The following XPR1 variants were observed in gnomAD, a reference collection of about 807,000 sequenced individuals.
The protein encoded by XPR1 is xenotropic and polytropic retrovirus receptor 1.
In XPR1, 28 loss-of-function variants were observed where a neutral mutation model predicts 87.5. That is an observed-to-expected ratio of 0.32 (90% CI 0.24 to 0.44). XPR1 has a LOEUF of 0.44. XPR1 is among the 20% of genes least tolerant of loss of function. The pLI is 1.00. For synonymous variants in XPR1, 300 were observed against 306.1 expected (o/e 0.98, Z 0.21); for missense variants, 559 against 862.3 (o/e 0.65, Z 4.41).
At chr1:180,748,937 G>A (rs1291253650) in intron 2 of XPR1, among the ~76,000 whole-genome samples, 3 of 152,186 alleles carry the variant, frequency 2.0e-5, no homozygotes, top group East Asian at 1.9e-4. Context: ...GGTGGCTCAC[G>A]CCTATAATCC....
At chr1:180,740,407 G>A (rs574513767) in intron 2 of XPR1, among the ~76,000 whole-genome samples, 20 of 151,726 alleles carry the variant, frequency 1.3e-4, no homozygotes, top group Admixed American at 7.2e-4. Context: ...CTTTTTATGC[G>A]TCAAATCATA....
chr1:180,796,188 C>G (rs1200648700), intron 3 of XPR1, among the ~76,000 whole-genome samples: 3 of 152,166 alleles, frequency 2.0e-5, no homozygotes, highest in Admixed American at 6.6e-5. Flanking sequence ...CACACACACA[C>G]TTTTCCAGGT....
intron 2 of XPR1, among the ~76,000 whole-genome samples, chr1:180,750,367 T>C (rs933914926): frequency 1.1e-4 from 16 of 152,158 alleles, no homozygotes; most frequent in African/African-American, 2.4e-5. Context: ...TCCCTTTCCA[T>C]GTGGATTTAA....
At chr1:180,658,773 G>A (rs1655628948) in intron 1 of XPR1, among the ~76,000 whole-genome samples, 1 of 150,332 alleles carries the variant, frequency 6.7e-6, no homozygotes, top group African/African-American at 2.5e-5. Context: ...GTTTCATCGT[G>A]TTAGGCAGGA....
chr1:180,809,531 T>A (rs992779430), intron 6 of XPR1, among the ~76,000 whole-genome samples: 3 of 152,206 alleles, frequency 2.0e-5, no homozygotes, highest in African/African-American at 7.2e-5. Context: ...AGACACAAAT[T>A]CTATACTTTA....
intron 9 of XPR1, among the ~76,000 whole-genome samples, chr1:180,831,351 C>CTTTTCT (rs1553252324): frequency 0.24 from 22,709 of 95,768 alleles, 3,116 homozygotes; most frequent in Middle Eastern, 0.28. Context: ...TTTCTATTTT[C>CTTTTCT]TTTTCTTTTT....
chr1:180,750,546 A>C (rs1237837455), intron 2 of XPR1, among the ~76,000 whole-genome samples: 3 of 152,124 alleles, frequency 2.0e-5, no homozygotes, highest in African/African-American at 7.2e-5. Context: ...TCCTTTGTAG[A>C]AAATCAATTG....
At chr1:180,697,964 C>T (rs1030908213) in intron 2 of XPR1, among the ~76,000 whole-genome samples, 2 of 152,006 alleles carry the variant, frequency 1.3e-5, no homozygotes, top group African/African-American at 4.8e-5. Context: ...TTGGGTCCAT[C>T]TAGTTTAAGT....
chr1:180,637,370 T>C (rs1467588168), intron 1 of XPR1, among the ~76,000 whole-genome samples: 3 of 152,288 alleles, frequency 2.0e-5, no homozygotes, highest in Non-Finnish European at 4.4e-5. Flanking sequence ...AAAAGACTCC[T>C]GTAAAGATTC....
chr1:180,669,013 C>T (rs545526117), intron 1 of XPR1, among the ~76,000 whole-genome samples: 38 of 151,324 alleles, frequency 2.5e-4, no homozygotes, highest in Non-Finnish European at 2.2e-4. Context: ...CGCTTGAACC[C>T]GGGAGGCAGA....
intron 2 of XPR1, among the ~76,000 whole-genome samples, chr1:180,699,273 T>A (rs1316242548): frequency 1.0e-4 from 14 of 135,930 alleles, no homozygotes; most frequent in Non-Finnish European, 1.6e-4. Flanking sequence ...TGCAGGTTAG[T>A]TACATATGTA....
At chr1:180,730,098 T>C (rs1332311018) in intron 2 of XPR1, among the ~76,000 whole-genome samples, 2 of 152,358 alleles carry the variant, frequency 1.3e-5, no homozygotes, top group Middle Eastern at 3.4e-3. Context: ...GTTTCAGTCT[T>C]CTGCGTATGG....
chr1:180,802,778 T>C (rs1558015347), intron 3 of XPR1, among the ~76,000 whole-genome samples: 1 of 152,202 alleles, frequency 6.6e-6, no homozygotes. Context: ...AAACATACAA[T>C]ATTGGGTATT....
At chr1:180,753,774 T>C (rs1647621311) in intron 2 of XPR1, among the ~76,000 whole-genome samples, 1 of 152,202 alleles carries the variant, frequency 6.6e-6, no homozygotes, top group Admixed American at 6.5e-5. Flanking sequence ...CTACTTATAG[T>C]CCTAGCACAC....
intron 1 of XPR1, among the ~76,000 whole-genome samples, chr1:180,642,426 T>A (rs75698564): frequency 0.045 from 6,846 of 151,914 alleles, 497 homozygotes; most frequent in African/African-American, 0.15. Flanking sequence ...TCTTTTTTTT[T>A]AAAAAAATAA....
intron 2 of XPR1, among the ~76,000 whole-genome samples, chr1:180,761,886 A>G (rs1360076003): frequency 6.6e-6 from 1 of 152,128 alleles, no homozygotes; most frequent in Non-Finnish European, 1.5e-5. Flanking sequence ...GTCCAACAAC[A>G]ATAGACTGGA....
At chr1:180,754,852 T>TC (rs1647670036) in intron 2 of XPR1, among the ~76,000 whole-genome samples, 1 of 151,106 alleles carries the variant, frequency 6.6e-6, no homozygotes, top group South Asian at 2.1e-4. Flanking sequence ...AAGTCTTTTG[T>TC]CCCCCTCACT....
At chr1:180,697,177 G>T (rs1228659982) in intron 2 of XPR1, among the ~76,000 whole-genome samples, 1 of 152,012 alleles carries the variant, frequency 6.6e-6, no homozygotes, top group Non-Finnish European at 1.5e-5. Context: ...GTCTTTTCAG[G>T]TTTTCTGTTT....
chr1:180,755,837 CT>C (rs112273515), intron 2 of XPR1, among the ~76,000 whole-genome samples: 6,516 of 152,148 alleles, frequency 0.043, 487 homozygotes, highest in African/African-American at 0.15. Flanking sequence ...GTGCAGTGAT[CT>C]TTAGGAAGAT....
Sources: allele counts gnomAD v4.1 joint callset (sites outside exome capture counted in the v4.1 genomes callset), GRCh38; gene constraint gnomAD v4.1.1; transcripts MANE v1.5; gene names NCBI Gene and HGNC (gene_info 2026-07-23, HGNC 2026-07-21).